The following GNA12 variants were observed in gnomAD, a reference collection of about 807,000 sequenced individuals.
GNA12 encodes the protein guanine nucleotide-binding protein subunit alpha-12.
Under a neutral mutation model 26.0 loss-of-function variants are expected in GNA12, and 9 were observed. The observed-to-expected ratio is 0.35, with a 90% CI of 0.21 to 0.60. The LOEUF (loss-of-function observed/expected upper bound fraction) is 0.60, where lower values mean the gene tolerates loss of function less well. Among genes scored for constraint, GNA12 ranks in the 20% least tolerant of loss-of-function variants. GNA12 has a pLI of 0.78. For synonymous variants in GNA12, 264 were observed against 219.6 expected, an observed-to-expected ratio of 1.20 and a Z score of -1.79; for missense variants, 405 against 525.8, an observed-to-expected ratio of 0.77 and a Z score of 2.25.
intron 1 of GNA12, among the ~76,000 whole-genome samples, chr7:2,831,530 A>C (rs991246377): frequency 6.6e-6 from 1 of 151,344 alleles, no homozygotes; most frequent in African/African-American, 2.4e-5. Flanking sequence ...CAGCCTCCCG[A>C]GTAGCTGGGA....
chr7:2,767,815 G>C (rs1036652839), intron 2 of GNA12, among the ~76,000 whole-genome samples: 2 of 152,164 alleles, frequency 1.3e-5, no homozygotes, highest in Non-Finnish European at 2.9e-5. Context: ...CAATAACATA[G>C]ATTTGTGTGT....
rs776135196 is a variant in GNA12, at chr7:2,731,562, G to A, written c.765C>T (p.Ser255=). ...ITSILFMVSS[S]EYDQVLMEDR... ...CCTCCATGAGGACCTGGTCGTACTC[G>A]CTGGAGGAGACCATGAACAGGATGG... The change falls in exon 4 of 4, where the codon AGC becomes AGT. Residue 255 remains serine (S), a synonymous_variant. Transcript: ENST00000275364. The surrounding 1 kb of genome is among the most constrained non-coding windows in gnomAD (Gnocchi z 6.0). The A allele has an allele frequency of 3.7e-6, 6 of 1,612,514 alleles. No homozygotes were observed. The highest frequency in any genetic ancestry group is 3.3e-5 in the South Asian group (3 of 90,950).
At chr7:2,789,296 C>T (rs931304940) in intron 2 of GNA12, among the ~76,000 whole-genome samples, 30 of 148,678 alleles carry the variant, frequency 2.0e-4, no homozygotes, top group Non-Finnish European at 3.9e-4. Flanking sequence ...CCACTACGCC[C>T]GGCTAATTTT....
In GNA12 at chr7:2,769,459, G is replaced by A. The variant is rs181406292; in HGVS notation, c.525+25469C>T. On this transcript the variant is annotated intron_variant, in intron 2 of 3. Coordinates refer to ENST00000275364, the MANE Select transcript of GNA12 (RefSeq NM_007353.3). Reference sequence around the variant, plus strand: ...AAAACAGCTCTGGCCGGCTGGGCACGGTGGCTCATGTCTGTAATCCCAGCA... The same window carrying A: ...AAAACAGCTCTGGCCGGCTGGGCACAGTGGCTCATGTCTGTAATCCCAGCA... Among the ~76,000 whole-genome samples the A allele has an allele frequency of 4.7e-3, 714 of 151,724 alleles. 4 individuals are homozygous for A. The highest frequency in any genetic ancestry group is 7.6e-3 in the Non-Finnish European group (519 of 67,882).
chr7:2,802,688 T>C (rs1792841199), intron 1 of GNA12, among the ~76,000 whole-genome samples: 1 of 152,170 alleles, frequency 6.6e-6, no homozygotes, highest in Non-Finnish European at 1.5e-5. Flanking sequence ...AGCTCTGTTT[T>C]TTAAAAACCC....
chr7:2,772,476 C>T (rs181156523), intron 2 of GNA12, among the ~76,000 whole-genome samples: 1,678 of 151,786 alleles, frequency 0.011, 12 homozygotes, highest in Non-Finnish European at 0.016. Context: ...AGGAGAATGG[C>T]GTGAACCCAG....
chr7:2,792,829 G>A (rs759136571), intron 2 of GNA12, among the ~76,000 whole-genome samples: 2 of 152,196 alleles, frequency 1.3e-5, no homozygotes, highest in Non-Finnish European at 1.5e-5. Context: ...ATGCCCTGGA[G>A]GACATTAACA....
rs773037986 is a variant in GNA12 at position 2,731,463 on chromosome 7, G to A, written c.864C>T (p.Asn288=). 8.1e-6 allele frequency: 13 copies of A among 1,613,792 alleles called. No individual in the cohort carries two copies. In the Admixed American group the frequency reaches 8.3e-5, roughly 10 times the overall value. ...TGTTGAGGAAGAGAATGATGGAGAC[G>A]TTGAAGAAGAGCTTGTTGTTGACGA... is the stretch of plus-strand genomic sequence containing the variant. The part of the protein sequence containing the change: ...ETIVNNKLFF[N]VSIILFLNKM... Residue 288 remains asparagine, a synonymous_variant, in exon 4 of 4, where the codon AAC becomes AAT. Coordinates refer to ENST00000275364, the MANE Select transcript of GNA12 (RefSeq NM_007353.3). This position sits in a 1 kb window ranked among gnomAD's most constrained non-coding sequence, Gnocchi z 6.0.
At chr7:2,792,606 A>G (rs1792548078) in intron 2 of GNA12, among the ~76,000 whole-genome samples, 1 of 152,254 alleles carries the variant, frequency 6.6e-6, no homozygotes, top group South Asian at 2.1e-4. Flanking sequence ...CTGTGAGTGT[A>G]TGGGGAAAAG....
At chr7:2,816,543 T>G (rs17241354) in intron 1 of GNA12, among the ~76,000 whole-genome samples, 25,628 of 152,274 alleles carry the variant, frequency 0.17, 2,249 homozygotes, top group Non-Finnish European at 0.2. Context: ...GCAAATCCAT[T>G]TTTTAAATGA....
At chr7:2,812,219 C>T (rs563410719) in intron 1 of GNA12, among the ~76,000 whole-genome samples, 12 of 152,354 alleles carry the variant, frequency 7.9e-5, no homozygotes, top group African/African-American at 2.6e-4. Context: ...TAAGGACTCA[C>T]ATTTGCTTTT....
At chr7:2,794,656 G>C (rs893031893) in intron 2 of GNA12, 9 of 453,394 alleles carry the variant, frequency 2.0e-5, no homozygotes, top group Non-Finnish European at 3.5e-5. Flanking sequence ...AATTTCTCGG[G>C]TTGTGCCAAT....
chr7:2,770,569 C>CCG (rs1279165935), intron 2 of GNA12, among the ~76,000 whole-genome samples: 3 of 152,106 alleles, frequency 2.0e-5, no homozygotes, highest in Non-Finnish European at 4.4e-5. Flanking sequence ...ATGCAGTGAG[C>CCG]TACGATAAGC....
intron 1 of GNA12, chr7:2,835,975 T>C (rs1440798346): frequency 6.4e-6 from 3 of 471,592 alleles, no homozygotes; most frequent in East Asian, 1.1e-4. Context: ...GAAAGTTCAG[T>C]TGTATGCAAA....
intron 1 of GNA12, among the ~76,000 whole-genome samples, chr7:2,801,900 G>C (rs899042846): frequency 2.0e-5 from 3 of 152,074 alleles, no homozygotes; most frequent in Non-Finnish European, 4.4e-5. Flanking sequence ...TTTAAAGCCT[G>C]TAACAATAAT....
chr7:2,811,565 T>C (rs528798609), intron 1 of GNA12, among the ~76,000 whole-genome samples: 21 of 152,244 alleles, frequency 1.4e-4, no homozygotes, highest in Non-Finnish European at 2.5e-4. Flanking sequence ...AAAAAATCAT[T>C]TGAGAAGGGA....
At chr7:2,736,728 G>T (rs1790198529) in intron 2 of GNA12, among the ~76,000 whole-genome samples, 1 of 152,326 alleles carries the variant, frequency 6.6e-6, no homozygotes, top group Non-Finnish European at 1.5e-5. Flanking sequence ...ACCTCCGGTG[G>T]GAGAAAGACA....
intron 1 of GNA12, among the ~76,000 whole-genome samples, chr7:2,799,734 A>T (rs1792763349): frequency 6.6e-6 from 1 of 152,252 alleles, no homozygotes; most frequent in Non-Finnish European, 1.5e-5. Context: ...GAGAACATAT[A>T]TAGGCAGCAA....
chr7:2,829,557 T>C (rs1053799626), intron 1 of GNA12, among the ~76,000 whole-genome samples: 1 of 152,230 alleles, frequency 6.6e-6, no homozygotes, highest in Non-Finnish European at 1.5e-5. Context: ...GTGCATCTCA[T>C]GTTAATGCTT....
Sources: gnomAD v4.1 joint callset for allele counts (sites outside exome capture counted in the v4.1 genomes callset) on GRCh38, gnomAD v4.1.1 for gene constraint, Gnocchi (gnomAD v3.1) non-coding constraint, MANE v1.5 for transcripts, NCBI Gene and HGNC (gene_info 2026-07-23, HGNC 2026-07-21) for gene names.